The following CFAP96 variants were observed in gnomAD, a reference collection of about 807,000 sequenced individuals.
The protein encoded by CFAP96 is cilia-and flagella-associated protein 96.
the CFAP96 span, among the ~76,000 whole-genome samples, chr4:185,428,559 A>AG: frequency 0.017 from 164 of 9,696 alleles, no homozygotes; most frequent in East Asian, 0.22. Flanking sequence ...GACTGTCTAA[A>AG]AAAAAAAAAA....
chr4:185,418,533 A>T, the CFAP96 span: 1 of 1,610,144 alleles, frequency 6.2e-7, no homozygotes, highest in Non-Finnish European at 8.5e-7. Context: ...ACAGACATTT[A>T]TAATATGAAA....
the CFAP96 span, chr4:185,429,470 A>AAT: frequency 1.3e-6 from 2 of 1,539,090 alleles, no homozygotes. Context: ...AGTGAGATGG[A>AAT]ATATATTACT....
At chr4:185,426,736 G>A in the CFAP96 span, among the ~76,000 whole-genome samples, 1 of 152,082 alleles carries the variant, frequency 6.6e-6, no homozygotes, top group African/African-American at 2.4e-5. Flanking sequence ...CTCAATAAGA[G>A]TTAAGTAGTG....
chr4:185,431,209 C>CAAAAA, the CFAP96 span, among the ~76,000 whole-genome samples: 1 of 88,570 alleles, frequency 1.1e-5, no homozygotes, highest in African/African-American at 4.2e-5. Context: ...GACTCCGTCT[C>CAAAAA]AAAAAAAAAA....
chr4:185,426,029 G>T, the CFAP96 span: 3 of 757,052 alleles, frequency 4.0e-6, no homozygotes, highest in South Asian at 1.8e-5. Context: ...GTACCACACC[G>T]CAGTCCCTCG....
At chr4:185,441,185 C>T in the CFAP96 span, among the ~76,000 whole-genome samples, 1 of 152,024 alleles carries the variant, frequency 6.6e-6, no homozygotes, top group Non-Finnish European at 1.5e-5. Context: ...CATAAAAAGC[C>T]AAACCATCTT....
chr4:185,428,421 A>G, the CFAP96 span, among the ~76,000 whole-genome samples: 8 of 152,000 alleles, frequency 5.3e-5, 1 homozygote, highest in South Asian at 1.7e-3. Context: ...TAAAAATACA[A>G]AAACAGCTGG....
At chr4:185,410,447 G>A in the CFAP96 span, among the ~76,000 whole-genome samples, 2 of 151,154 alleles carry the variant, frequency 1.3e-5, no homozygotes, top group African/African-American at 4.9e-5. Context: ...TCAGGAGTTC[G>A]AGACCAGCCT....
the CFAP96 span, chr4:185,429,429 A>C: frequency 6.5e-7 from 1 of 1,535,192 alleles, no homozygotes; most frequent in Non-Finnish European, 8.8e-7. Flanking sequence ...CGGAAGGAGG[A>C]AAAACGGACA....
chr4:185,428,568 A>C, the CFAP96 span, among the ~76,000 whole-genome samples: 317 of 28,654 alleles, frequency 0.011, 3 homozygotes, highest in Middle Eastern at 0.029. Context: ...AAAAAAAAAA[A>C]AACAACAACA....
At chr4:185,423,874 T>C in the CFAP96 span, among the ~76,000 whole-genome samples, 1 of 152,206 alleles carries the variant, frequency 6.6e-6, no homozygotes, top group Non-Finnish European at 1.5e-5. Flanking sequence ...GAGATTTCTT[T>C]TGGGAAGAGG....
At chr4:185,440,530 T>C in the CFAP96 span, 2 of 1,489,176 alleles carry the variant, frequency 1.3e-6, no homozygotes, top group Non-Finnish European at 1.8e-6. Context: ...TCAAACTCTT[T>C]AATTCACAGA....
the CFAP96 span, among the ~76,000 whole-genome samples, chr4:185,409,954 C>T: frequency 6.6e-6 from 1 of 152,194 alleles, no homozygotes; most frequent in African/African-American, 2.4e-5. Context: ...GGTGGTCCTG[C>T]TGACATTGTG....
At chr4:185,415,261 A>G in the CFAP96 span, 9 of 1,601,824 alleles carry the variant, frequency 5.6e-6, no homozygotes, top group Non-Finnish European at 6.8e-6. Context: ...AGGGACCACA[A>G]TAGATGTTCC....
At chr4:185,437,137 G>T in the CFAP96 span, among the ~76,000 whole-genome samples, 1 of 152,192 alleles carries the variant, frequency 6.6e-6, no homozygotes, top group Non-Finnish European at 1.5e-5. Flanking sequence ...GATGGGAAAA[G>T]GTGGAGGTGA....
the CFAP96 span, among the ~76,000 whole-genome samples, chr4:185,424,745 G>T: frequency 2.0e-5 from 3 of 152,244 alleles, no homozygotes; most frequent in South Asian, 2.1e-4. Flanking sequence ...AGACAGGAAA[G>T]AACAAATTTT....
At chr4:185,439,954 G>T in the CFAP96 span, among the ~76,000 whole-genome samples, 1 of 143,092 alleles carries the variant, frequency 7.0e-6, no homozygotes, top group Non-Finnish European at 1.5e-5. Context: ...TCATATATAT[G>T]ATATATACAT....
At chr4:185,445,546 T>A in the CFAP96 span, 1 of 1,526,894 alleles carries the variant, frequency 6.5e-7, no homozygotes, top group South Asian at 1.2e-5. Flanking sequence ...AAATAACCTA[T>A]GAAAATAGAA....
At chr4:185,423,110 C>T in the CFAP96 span, among the ~76,000 whole-genome samples, 3 of 152,176 alleles carry the variant, frequency 2.0e-5, no homozygotes, top group Non-Finnish European at 4.4e-5. Context: ...CCGCCTGTCT[C>T]GGCCTCCCAA....
Sources: allele counts gnomAD v4.1 joint callset (sites outside exome capture counted in the v4.1 genomes callset), GRCh38; gene constraint gnomAD v4.1.1; transcripts MANE v1.5; gene names NCBI Gene and HGNC (gene_info 2026-07-23, HGNC 2026-07-21).